The following RBMS1 variants were observed in gnomAD, a reference collection of about 807,000 sequenced individuals.
The protein encoded by RBMS1 is RNA-binding motif, single-stranded-interacting protein 1.
In RBMS1, 17 loss-of-function variants were observed where a neutral mutation model predicts 62.3. That is an observed-to-expected ratio of 0.27 (90% CI 0.19 to 0.41). RBMS1 has a LOEUF of 0.41. Ranked by LOEUF, RBMS1 falls within the 10% of genes least tolerant of loss-of-function variation. The probability of loss-of-function intolerance (pLI) is 1.00; values close to 1 mark genes in which losing one functional copy is unlikely to be tolerated. For synonymous variants in RBMS1, 172 were observed against 170.0 expected (o/e 1.01, Z -0.09); for missense variants, 334 against 504.5 (o/e 0.66, Z 3.24).
intron 1 of RBMS1, among the ~76,000 whole-genome samples, chr2:160,465,849 CACACACACACACACAT>C (rs1184748894): frequency 3.9e-5 from 4 of 102,306 alleles, no homozygotes; most frequent in Middle Eastern, 5.3e-3. Flanking sequence ...CCACACCACA[CACACACACACACACAT>C]ACACACACAC....
intron 9 of RBMS1, chr2:160,282,265 C>A: frequency 1.5e-6 from 2 of 1,367,868 alleles, no homozygotes; most frequent in Non-Finnish European, 2.0e-6. Context: ...ACCTTGATAG[C>A]AGAGCCCCGA....
rs571785885 is a variant in RBMS1, at chr2:160,397,547, C to G, written c.76-30156G>C. ...CACAGATGCTGAAATAATCTTGTCT[C>G]TAGGCTGTCACTTGAAATTTTCAGG... On this transcript the variant is annotated intron_variant, in intron 1 of 13. Coordinates refer to ENST00000348849, the MANE Select transcript of RBMS1 (RefSeq NM_016836.4). Among the ~76,000 whole-genome samples, 22 of 152,268 alleles carry G rather than the reference C, an allele frequency of 1.4e-4. No individual in the cohort carries two copies. The South Asian group carries it at 4.3e-3, about 30-fold the overall frequency.
intron 2 of RBMS1, among the ~76,000 whole-genome samples, chr2:160,337,135 C>CTTTTTTTTTTTTTTTTTTT (rs768216149): frequency 7.3e-6 from 1 of 136,400 alleles, no homozygotes; most frequent in Non-Finnish European, 1.6e-5. Context: ...TTTTTCTTTT[C>CTTTTTTTTTTTTTTTTTTT]TTTTTTTTTT....
At chr2:160,445,561 C>A (rs1358105603) in intron 1 of RBMS1, among the ~76,000 whole-genome samples, 2 of 152,194 alleles carry the variant, frequency 1.3e-5, no homozygotes, top group African/African-American at 4.8e-5. Flanking sequence ...GAGCAGATTC[C>A]ATAATCTGAT....
chr2:160,401,385 T>G (rs1419231557), intron 1 of RBMS1, among the ~76,000 whole-genome samples: 2 of 152,212 alleles, frequency 1.3e-5, no homozygotes, highest in Non-Finnish European at 2.9e-5. Context: ...ATATTGATTT[T>G]TTATTTTAGT....
chr2:160,371,981 T>C (rs1038132296), intron 1 of RBMS1, among the ~76,000 whole-genome samples: 2 of 152,188 alleles, frequency 1.3e-5, no homozygotes, highest in Non-Finnish European at 2.9e-5. Flanking sequence ...AATACAAATC[T>C]AAAGGTCATT....
intron 1 of RBMS1, among the ~76,000 whole-genome samples, chr2:160,486,215 T>G (rs1685595863): frequency 6.6e-6 from 1 of 152,202 alleles, no homozygotes; most frequent in African/African-American, 2.4e-5. Flanking sequence ...TAGTATTATT[T>G]GAGGATAATA....
chr2:160,453,256 G>A (rs1280265958), intron 1 of RBMS1, among the ~76,000 whole-genome samples: 1 of 151,942 alleles, frequency 6.6e-6, no homozygotes, highest in Non-Finnish European at 1.5e-5. Context: ...AAAAGGTTGT[G>A]GTGCTTCCAG....
intron 1 of RBMS1, among the ~76,000 whole-genome samples, chr2:160,456,483 C>T (rs929299662): frequency 6.6e-6 from 1 of 152,162 alleles, no homozygotes; most frequent in Non-Finnish European, 1.5e-5. Flanking sequence ...CTTACTCCTT[C>T]TAATGGAAAG....
At chr2:160,277,660 G>GTT in intron 11 of RBMS1, 1 of 316,364 alleles carries the variant, frequency 3.2e-6, no homozygotes, top group East Asian at 5.8e-5. Flanking sequence ...AGATAAAAAA[G>GTT]TTTGTCACTC....
chr2:160,275,363 C>T (rs1687778485), intron 13 of RBMS1: 1 of 352,518 alleles, frequency 2.8e-6, no homozygotes, highest in Non-Finnish European at 4.4e-6. Flanking sequence ...TTGGTGTTCT[C>T]TGATGTTACA....
chr2:160,300,420 T>C (rs911563338), intron 6 of RBMS1, among the ~76,000 whole-genome samples: 2 of 152,058 alleles, frequency 1.3e-5, no homozygotes, highest in African/African-American at 2.4e-5. Flanking sequence ...GAGGAGTGAA[T>C]TGCACAATGC....
intron 1 of RBMS1, among the ~76,000 whole-genome samples, chr2:160,481,396 A>C (rs1685367022): frequency 6.6e-6 from 1 of 151,902 alleles, no homozygotes; most frequent in Non-Finnish European, 1.5e-5. Flanking sequence ...TCTTAAAGTA[A>C]GCAGATTTCT....
chr2:160,434,566 T>C (rs774998782), intron 1 of RBMS1, among the ~76,000 whole-genome samples: 9 of 152,072 alleles, frequency 5.9e-5, no homozygotes, highest in Non-Finnish European at 1.2e-4. Flanking sequence ...TCTGTGACGA[T>C]GAAAATATTC....
rs571878721 is a variant in RBMS1 at position 160,413,250 on chromosome 2, G to T, written c.76-45859C>A. 3.9e-5 allele frequency among the ~76,000 whole-genome samples: 6 copies of T among 152,180 alleles called. No individual in the cohort carries two copies. The South Asian group carries it at 1.2e-3, about 32-fold the overall frequency. On this transcript the variant is annotated intron_variant, in intron 1 of 13. Coordinates refer to ENST00000348849, the MANE Select transcript of RBMS1 (RefSeq NM_016836.4). ...AAATATAGCCACACTGTATAGGTTAGTATATGCAGTTCACACCAAAAAAAA... is the reference window on the plus strand; with the variant it reads ...AAATATAGCCACACTGTATAGGTTATTATATGCAGTTCACACCAAAAAAAA...
chr2:160,462,533 C>T (rs568811040), intron 1 of RBMS1, among the ~76,000 whole-genome samples: 1 of 152,180 alleles, frequency 6.6e-6, no homozygotes, highest in Non-Finnish European at 1.5e-5. Flanking sequence ...AAATAATACT[C>T]TGAACAAGAA....
At chr2:160,298,376 C>T (rs1372831102) in intron 6 of RBMS1, among the ~76,000 whole-genome samples, 12 of 152,084 alleles carry the variant, frequency 7.9e-5, no homozygotes, top group Admixed American at 7.9e-4. Context: ...CAGTCTGAAA[C>T]TCTGGGGAAC....
chr2:160,418,920 G>T (rs751326287), intron 1 of RBMS1, among the ~76,000 whole-genome samples: 3 of 152,142 alleles, frequency 2.0e-5, no homozygotes, highest in Non-Finnish European at 4.4e-5. Flanking sequence ...ATTGGTTCAT[G>T]AATGTTGGAA....
At chr2:160,391,586 T>G (rs1694867748) in intron 1 of RBMS1, among the ~76,000 whole-genome samples, 1 of 152,188 alleles carries the variant, frequency 6.6e-6, no homozygotes, top group Non-Finnish European at 1.5e-5. Flanking sequence ...AAGAAAAACA[T>G]TAATATTTTG....
Sources: gnomAD v4.1 joint callset for allele counts (sites outside exome capture counted in the v4.1 genomes callset) on GRCh38, gnomAD v4.1.1 for gene constraint, MANE v1.5 for transcripts, NCBI Gene and HGNC (gene_info 2026-07-23, HGNC 2026-07-21) for gene names.